DLGAP2: variants seen among roughly 807,000 people sequenced by gnomAD.
DLGAP2 encodes disks large-associated protein 2.
In DLGAP2, 26 loss-of-function variants were observed where a neutral mutation model predicts 100.3. The ratio of observed to expected loss-of-function variants is 0.26; its 90% CI spans 0.19 to 0.36. DLGAP2 has a LOEUF of 0.36. Ranked by LOEUF, DLGAP2 falls within the 10% of genes least tolerant of loss-of-function variation. The pLI, the probability that DLGAP2 is intolerant of heterozygous loss-of-function variation, is 1.00. For synonymous variants in DLGAP2, 886 were observed against 630.1 expected, an observed-to-expected ratio of 1.41 and a Z score of -6.08; for missense variants, 1,858 against 1,453.2, an observed-to-expected ratio of 1.28 and a Z score of -4.53.
chr8:1,632,119 T>C (rs1056749757), intron 7 of DLGAP2, among the ~76,000 whole-genome samples: 1 of 137,944 alleles, frequency 7.2e-6, no homozygotes. Context: ...GGAGGGAGGA[T>C]GGGAGGGAGG....
chr8:1,225,592 C>T (rs1452668835), intron 2 of DLGAP2, among the ~76,000 whole-genome samples: 4 of 152,168 alleles, frequency 2.6e-5, no homozygotes, highest in South Asian at 2.1e-4. Context: ...TATACCTCAG[C>T]TTTAAAAATT....
chr8:1,462,447 G>C lies in DLGAP2; in HGVS notation c.107-38919G>C, dbSNP rs13279754. 6.6e-5 allele frequency among the ~76,000 whole-genome samples: 5 copies of C among 75,816 alleles called. 1 individual carries two copies. The highest frequency in any genetic ancestry group is 4.9e-4 in the Admixed American group (3 of 6,114). The allele number at this position is 75,816 out of a possible 152,430, so 49.7% of individuals were successfully genotyped here. On this transcript the variant is annotated intron_variant, in intron 3 of 14. Transcript: ENST00000637795. ...CAGGACTGGGTGCAGTCGCTGATTT[G>C]GTGGCCAGGAGGAGGGAGAAGGGTG... is the stretch of plus-strand genomic sequence containing the variant.
chr8:1,153,307 G>T (rs1257230769), intron 2 of DLGAP2, among the ~76,000 whole-genome samples: 1 of 152,130 alleles, frequency 6.6e-6, no homozygotes, highest in African/African-American at 2.4e-5. Flanking sequence ...TTTTGGCACT[G>T]GCTATGCCTA....
intron 3 of DLGAP2, among the ~76,000 whole-genome samples, chr8:1,343,418 T>C (rs7826993): frequency 4.3e-4 from 66 of 151,992 alleles, no homozygotes; most frequent in Admixed American, 1.2e-3. Flanking sequence ...TTGGGGTCCA[T>C]CATGTAGGCT....
chr8:1,623,465 A>ATC (rs1797403287), intron 6 of DLGAP2, among the ~76,000 whole-genome samples: 1 of 144,314 alleles, frequency 6.9e-6, no homozygotes, highest in African/African-American at 2.6e-5. Flanking sequence ...ACCAGCGCGC[A>ATC]ATGACCTGAC....
intron 2 of DLGAP2, among the ~76,000 whole-genome samples, chr8:1,054,611 C>T (rs1332419759): frequency 6.6e-6 from 1 of 152,160 alleles, no homozygotes; most frequent in Non-Finnish European, 1.5e-5. Flanking sequence ...AGTAATTTAT[C>T]ATCCCTCTCT....
intron 4 of DLGAP2, among the ~76,000 whole-genome samples, chr8:1,502,851 C>T (rs908416175): frequency 2.6e-5 from 4 of 152,156 alleles, no homozygotes; most frequent in Non-Finnish European, 5.9e-5. Context: ...GCGGCGCCCA[C>T]GTGCCCCAGG....
Position 1,642,742 on chromosome 8 carries a change from G to C in DLGAP2, c.1810+9696G>C, listed in dbSNP as rs6999806. Among the ~76,000 whole-genome samples, 14 of 2,252 alleles carry C rather than the reference G, an allele frequency of 6.2e-3. 3 individuals are homozygous for C. The highest frequency in any genetic ancestry group is 0.02 in the African/African-American group (6 of 302). The allele number at this position is 2,252 out of a possible 152,430, so 1.5% of individuals were successfully genotyped here. A position where few individuals can be genotyped will look rare whatever the true frequency, so the allele number is the denominator to read the frequency against. On this transcript the variant is annotated intron_variant, in intron 8 of 14. Coordinates refer to ENST00000637795, the MANE Select transcript of DLGAP2 (RefSeq NM_001346810.2). ...GCCGGCCCTCACCTGTGTCACCCTC[G>C]AACCCGCCGGCCCTCACCTGTGTCA... is the stretch of plus-strand genomic sequence containing the variant.
intron 2 of DLGAP2, among the ~76,000 whole-genome samples, chr8:1,070,726 A>C (rs1327508955): frequency 2.0e-5 from 3 of 152,136 alleles, no homozygotes; most frequent in Non-Finnish European, 4.4e-5. Flanking sequence ...AGCCTTCAAA[A>C]CTGTTTTCCC....
chr8:997,807 T>C (rs948331968), intron 2 of DLGAP2, among the ~76,000 whole-genome samples: 3 of 152,164 alleles, frequency 2.0e-5, no homozygotes, highest in African/African-American at 7.2e-5. Context: ...TAAATTTGCT[T>C]ATACCTATGC....
intron 3 of DLGAP2, among the ~76,000 whole-genome samples, chr8:1,423,302 G>C (rs1251922228): frequency 6.6e-6 from 1 of 151,926 alleles, no homozygotes; most frequent in East Asian, 1.9e-4. Context: ...TCAGTCCATG[G>C]GACAGACAGG....
At chr8:1,087,298 T>C (rs1180512999) in intron 2 of DLGAP2, among the ~76,000 whole-genome samples, 2 of 152,162 alleles carry the variant, frequency 1.3e-5, no homozygotes, top group Non-Finnish European at 2.9e-5. Flanking sequence ...ATAAACATGA[T>C]TTTAGTATGC....
intron 2 of DLGAP2, among the ~76,000 whole-genome samples, chr8:1,186,004 C>G (rs376070693): frequency 7.9e-5 from 12 of 152,174 alleles, no homozygotes; most frequent in African/African-American, 2.7e-4. Context: ...GCTTCCTTGC[C>G]CTGTCCCTGT....
At chr8:1,371,783 C>G (rs1277967543) in intron 3 of DLGAP2, among the ~76,000 whole-genome samples, 1 of 152,126 alleles carries the variant, frequency 6.6e-6, no homozygotes, top group African/African-American at 2.4e-5. Context: ...GTGCATTTCT[C>G]ATATTCCACG....
At chr8:1,556,395 G>A (rs570428849) in intron 5 of DLGAP2, among the ~76,000 whole-genome samples, 19 of 152,242 alleles carry the variant, frequency 1.2e-4, no homozygotes, top group African/African-American at 4.6e-4. Context: ...GACGGGGTTT[G>A]GCTCTGACCT....
chr8:1,330,959 C>T (rs559803604), intron 3 of DLGAP2, among the ~76,000 whole-genome samples: 29 of 144,970 alleles, frequency 2.0e-4, no homozygotes, highest in South Asian at 4.6e-4. Context: ...TGGGTGGGAG[C>T]GCCACTTCAC....
chr8:822,099 C>T (rs897330853), intron 1 of DLGAP2: 3 of 399,140 alleles, frequency 7.5e-6, no homozygotes, highest in South Asian at 1.3e-4. Flanking sequence ...TAGGCTTTCT[C>T]GCCATCCGAG....
At chr8:829,048 AT>A (rs1198475824) in intron 1 of DLGAP2, among the ~76,000 whole-genome samples, 1 of 152,172 alleles carries the variant, frequency 6.6e-6, no homozygotes, top group African/African-American at 2.4e-5. Flanking sequence ...GACAAACCTG[AT>A]TTTTTTAAAT....
At chr8:759,172 C>CATTATCAATACCCCT (rs1821005291) in intron 1 of DLGAP2, among the ~76,000 whole-genome samples, 2 of 108,908 alleles carry the variant, frequency 1.8e-5, no homozygotes, top group African/African-American at 6.1e-5. Flanking sequence ...ACAGCCTTCC[C>CATTATCAATACCCCT]GTTATCAATA....
Sources: allele counts gnomAD v4.1 joint callset (sites outside exome capture counted in the v4.1 genomes callset), GRCh38; gene constraint gnomAD v4.1.1; transcripts MANE v1.5; gene names NCBI Gene and HGNC (gene_info 2026-07-23, HGNC 2026-07-21).